CSMD1: variants seen among roughly 807,000 people sequenced by gnomAD.
The protein encoded by CSMD1 is CUB and sushi domain-containing protein 1.
CSMD1 carries 213 observed loss-of-function variants against 417.5 expected under a neutral mutation model. The ratio of observed to expected loss-of-function variants is 0.51; its 90% confidence interval spans 0.46 to 0.57. The LOEUF (loss-of-function observed/expected upper bound fraction) is 0.57, where lower values mean the gene tolerates loss of function less well. Ranked by LOEUF, CSMD1 falls within the 20% of genes least tolerant of loss-of-function variation. The probability of loss-of-function intolerance (pLI) is 0.00; values close to 1 mark genes in which losing one functional copy is unlikely to be tolerated. For missense variants in CSMD1, 6,923 were observed against 4,529.7 expected, an observed-to-expected ratio of 1.53 and a Z score of -15.17; for synonymous variants, 2,862 against 1,736.8, an observed-to-expected ratio of 1.65 and a Z score of -16.11.
chr8:4,221,377 A>G (rs529631676), intron 3 of CSMD1, among the ~76,000 whole-genome samples: 1 of 98,910 alleles, frequency 1.0e-5, no homozygotes, highest in Non-Finnish European at 1.9e-5. Flanking sequence ...AAGGAAAGTG[A>G]GAAAAAAAAA....
At chr8:4,382,554 G>A (rs1470803869) in intron 3 of CSMD1, among the ~76,000 whole-genome samples, 1 of 152,104 alleles carries the variant, frequency 6.6e-6, no homozygotes, top group Non-Finnish European at 1.5e-5. Context: ...AAAACCCTCT[G>A]AGTATAAGCA....
At chr8:3,701,431 G>C (rs1800860808) in intron 7 of CSMD1, among the ~76,000 whole-genome samples, 1 of 152,122 alleles carries the variant, frequency 6.6e-6, no homozygotes, top group Non-Finnish European at 1.5e-5. Context: ...CTGAACCGAA[G>C]CTGCTGCTGG....
At chr8:3,047,180 C>A (rs1343890635) in intron 50 of CSMD1, among the ~76,000 whole-genome samples, 1 of 135,926 alleles carries the variant, frequency 7.4e-6, no homozygotes, top group South Asian at 2.4e-4. Flanking sequence ...CACCACTGCA[C>A]TTCAGCCCAG....
chr8:3,546,925 A>G (rs1209645073), intron 10 of CSMD1, among the ~76,000 whole-genome samples: 1 of 152,234 alleles, frequency 6.6e-6, no homozygotes, highest in Non-Finnish European at 1.5e-5. Flanking sequence ...GTTTAGATGG[A>G]GGGAGGATAT....
intron 11 of CSMD1, among the ~76,000 whole-genome samples, chr8:3,485,973 G>C (rs1250810502): frequency 6.6e-6 from 1 of 152,060 alleles, no homozygotes; most frequent in Non-Finnish European, 1.5e-5. Context: ...AACACCAGGG[G>C]TTCAATGAGC....
At chr8:3,680,540 A>T (rs1398600118) in intron 7 of CSMD1, among the ~76,000 whole-genome samples, 1 of 152,182 alleles carries the variant, frequency 6.6e-6, no homozygotes, top group African/African-American at 2.4e-5. Context: ...TTGAGGTAAT[A>T]ATTAATAGCT....
chr8:4,907,936 G>A (rs930377214), intron 1 of CSMD1, among the ~76,000 whole-genome samples: 8 of 152,036 alleles, frequency 5.3e-5, no homozygotes, highest in African/African-American at 2.4e-5. Flanking sequence ...AAAATCATTT[G>A]ATAGAAAATA....
chr8:4,593,316 T>C (rs1190217246), intron 2 of CSMD1, among the ~76,000 whole-genome samples: 1 of 152,230 alleles, frequency 6.6e-6, no homozygotes, highest in African/African-American at 2.4e-5. Flanking sequence ...CATAGCAAAT[T>C]AATTAAATAC....
chr8:3,342,866 T>C (rs1807750050), intron 23 of CSMD1, among the ~76,000 whole-genome samples: 1 of 144,336 alleles, frequency 6.9e-6, no homozygotes. Context: ...TGCTTATACA[T>C]ATATATGATT....
intron 9 of CSMD1, among the ~76,000 whole-genome samples, chr8:3,582,578 T>C (rs1194481711): frequency 6.6e-6 from 1 of 152,166 alleles, no homozygotes; most frequent in Non-Finnish European, 1.5e-5. Flanking sequence ...AAACTTGCGC[T>C]GTCATATGTG....
intron 37 of CSMD1, among the ~76,000 whole-genome samples, chr8:3,163,543 A>G (rs2129040913): frequency 6.6e-6 from 1 of 152,156 alleles, no homozygotes; most frequent in African/African-American, 2.4e-5. Flanking sequence ...CTCTGCCCTG[A>G]AGCCAGTCAG....
chr8:4,900,687 T>C lies in CSMD1; in HGVS notation c.85+93645A>G, dbSNP rs1396539910. Among the ~76,000 whole-genome samples, 6 of 152,204 alleles carry C rather than the reference T, an allele frequency of 3.9e-5. No individual in the cohort carries two copies. In the South Asian group the frequency reaches 1.2e-3, roughly 32 times the overall value. On this transcript the variant is annotated intron_variant, in intron 1 of 69. Transcript: ENST00000635120. ...TGCTGTCCAAGGAGATTTGCAAATG[T>C]TGCTGGGGGCTTAGAAAATCTGCTT...
chr8:3,292,556 G>T (rs779418239), intron 25 of CSMD1, among the ~76,000 whole-genome samples: 1 of 152,150 alleles, frequency 6.6e-6, no homozygotes, highest in Non-Finnish European at 1.5e-5. Context: ...TTTTCTTGTT[G>T]AATTGATCCC....
Position 4,950,113 on chromosome 8 carries a change from A to T in CSMD1, c.85+44219T>A, listed in dbSNP as rs76279281. On this transcript the variant is annotated intron_variant, in intron 1 of 69. Coordinates refer to ENST00000635120, the MANE Select transcript of CSMD1 (RefSeq NM_033225.6). ...TATTTATAAAACATAGAAATGTTTC[A>T]TATGATAAGATTTTAATATATGTCT... Among the ~76,000 whole-genome samples, 3 of 37,018 alleles carry T rather than the reference A, an allele frequency of 8.1e-5. No homozygotes were observed. In the East Asian group the frequency reaches 3.1e-3, roughly 39 times the overall value. 24.3% of individuals were successfully genotyped at this position (37,018 alleles called of 152,430 possible).
chr8:3,002,303 C>G (rs551014167), intron 52 of CSMD1, among the ~76,000 whole-genome samples: 1 of 152,316 alleles, frequency 6.6e-6, no homozygotes, highest in Non-Finnish European at 1.5e-5. Flanking sequence ...AGACGCTGTC[C>G]TTTGCACAAC....
At chr8:4,631,734 C>T (rs1376501914) in intron 2 of CSMD1, among the ~76,000 whole-genome samples, 5 of 152,174 alleles carry the variant, frequency 3.3e-5, no homozygotes, top group Non-Finnish European at 1.5e-5. Flanking sequence ...TCATGATTTT[C>T]TGATTTTAAT....
intron 1 of CSMD1, among the ~76,000 whole-genome samples, chr8:4,685,722 T>C (rs1806330327): frequency 6.6e-6 from 1 of 152,246 alleles, no homozygotes. Flanking sequence ...AAATAAATTC[T>C]GAACATTCTT....
At chr8:4,590,673 T>C (rs1799941527) in intron 2 of CSMD1, among the ~76,000 whole-genome samples, 1 of 152,218 alleles carries the variant, frequency 6.6e-6, no homozygotes, top group Non-Finnish European at 1.5e-5. Context: ...ATATTCACGA[T>C]GAAATCTTAA....
intron 3 of CSMD1, among the ~76,000 whole-genome samples, chr8:4,038,046 G>A (rs991735733): frequency 2.6e-5 from 4 of 152,006 alleles, no homozygotes; most frequent in African/African-American, 7.2e-5. Flanking sequence ...AGTATCAGAG[G>A]CTTAAAATTA....
Sources: gnomAD v4.1 joint callset for allele counts (sites outside exome capture counted in the v4.1 genomes callset) on GRCh38, gnomAD v4.1.1 for gene constraint, MANE v1.5 for transcripts, NCBI Gene and HGNC (gene_info 2026-07-23, HGNC 2026-07-21) for gene names.